TNNT3: variants seen among roughly 807,000 people sequenced by gnomAD.
TNNT3 encodes the protein troponin T, fast skeletal muscle.
TNNT3 carries 36 observed loss-of-function variants against 54.2 expected under a neutral mutation model. That is an observed-to-expected ratio of 0.66 (90% CI 0.51 to 0.88). The LOEUF (loss-of-function observed/expected upper bound fraction) is 0.88, where lower values mean the gene tolerates loss of function less well. Among genes scored for constraint, TNNT3 ranks in the 40% least tolerant of loss-of-function variants. The probability of loss-of-function intolerance (pLI) is 0.00; values close to 1 mark genes in which losing one functional copy is unlikely to be tolerated. For missense variants in TNNT3, 291 were observed against 331.6 expected, an observed-to-expected ratio of 0.88 and a Z score of 0.95; for synonymous variants, 120 against 109.7, an observed-to-expected ratio of 1.09 and a Z score of -0.59.
rs2133318207 is a variant in TNNT3 at position 1,926,678 on chromosome 11, T to A, written c.68-17T>A. ...CTCTCTCCCGCCCTTTCTGCCACCA[T>A]GACGCTGCTTCTGCAGAGGAAGTTC... On this transcript the variant is annotated splice_polypyrimidine_tract_variant and intron_variant, in intron 5 of 15. Transcript: ENST00000278317. 6.2e-7 allele frequency: 1 copy of A among 1,613,504 alleles called. No homozygotes were observed. Among genetic ancestry groups the A allele is most frequent in the South Asian group, 1.1e-5 (1 of 91,088 alleles).
At chr11:1,923,008 C>T in intron 2 of TNNT3, 40 bp from the exon 3 acceptor site, 1 of 1,613,370 alleles carries the variant, frequency 6.2e-7, no homozygotes, top group Non-Finnish European at 8.5e-7. Context: ...AGCCTCACTA[C>T]CTCTCTCTCT....
In TNNT3 at chr11:1,938,596, C is replaced by A; in HGVS notation, c.*104C>A. 3 of 1,234,232 alleles carry A rather than the reference C, an allele frequency of 2.4e-6. No individual in the cohort carries two copies. Among genetic ancestry groups the A allele is most frequent in the East Asian group, 2.5e-5 (1 of 39,768 alleles). The allele number at this position is 1,234,232 out of a possible 1,614,324, so 76.5% of individuals were successfully genotyped here. On this transcript the variant is annotated 3_prime_UTR_variant, in exon 16 of 16. Coordinates refer to ENST00000278317, the MANE Select transcript of TNNT3 (RefSeq NM_006757.4). The stretch of plus-strand genomic sequence containing the variant: ...CCAGCCCCCACAATCCTGTCAGGGG[C>A]TCCCTGACAGTCCTGGGGGTGGAGA...
intron 5 of TNNT3, chr11:1,926,405 G>A (rs570383622): frequency 6.9e-6 from 11 of 1,604,056 alleles, no homozygotes; most frequent in African/African-American, 5.3e-5. Context: ...AACCTCGGAC[G>A]CTTCTCCATT....
chr11:1,927,754 C>T (rs1403311514), intron 6 of TNNT3: 1 of 152,426 alleles, frequency 6.6e-6, no homozygotes, highest in Non-Finnish European at 1.5e-5. Context: ...CACCCGACCT[C>T]GCCCTCCTCC....
rs573740589 is a variant in TNNT3 at position 1,938,636 on chromosome 11, G to A, written c.*144G>A. The A allele has an allele frequency of 2.4e-5, 20 of 817,762 alleles. No individual in the cohort carries two copies. The highest frequency in any genetic ancestry group is 5.8e-5 in the South Asian group (4 of 69,290). 50.7% of individuals were successfully genotyped at this position (817,762 alleles called of 1,614,324 possible). A position where few individuals can be genotyped will look rare whatever the true frequency, so the allele number is the denominator to read the frequency against. On this transcript the variant is annotated 3_prime_UTR_variant, in exon 16 of 16. Coordinates refer to ENST00000278317, the MANE Select transcript of TNNT3 (RefSeq NM_006757.4). ...GGGGGTGGAGAGGCCATCCCGGGGC[G>A]TCCCCCGCGTCTGTGTCCTTGCTGC...
At chr11:1,923,181 C>A in intron 3 of TNNT3, 120 bp downstream of exon 3, 1 of 1,421,096 alleles carries the variant, frequency 7.0e-7, no homozygotes, top group East Asian at 2.3e-5. Context: ...AGCTGCATCC[C>A]ATGGGTGGCT....
At chr11:1,922,968 C>A in intron 2 of TNNT3, 77 bp downstream of exon 2, 1 of 1,613,076 alleles carries the variant, frequency 6.2e-7, no homozygotes, top group Non-Finnish European at 8.5e-7. Flanking sequence ...CTGGAGCATG[C>A]GCTATCTTGC....
rs373242801 is a variant in TNNT3 at position 1,923,044 on chromosome 11, A to T, written c.18-4A>T. The T allele has an allele frequency of 6.2e-7, 1 of 1,613,904 alleles. No homozygotes were observed. Among genetic ancestry groups the T allele is most frequent in the African/African-American group, 1.3e-5 (1 of 75,000 alleles). ...TTCTTTCTCTCTCTCTCCCTGCCCC[A>T]CAGTGAACAGGTGGAGGGTAAGTGT... On this transcript the variant is annotated splice_polypyrimidine_tract_variant and splice_region_variant and intron_variant, in intron 2 of 15. Coordinates refer to ENST00000278317, the MANE Select transcript of TNNT3 (RefSeq NM_006757.4).
rs1854202698 is a variant in TNNT3 at position 1,933,985 on chromosome 11, A to T, written c.343A>T (p.Arg115Trp). ...GCAGAGGATTCGTGCAGAGAAGGAG[A>T]GGGAGCGCCAGAACAGACTGGCGGT... ...EQQRIRAEKE[R>W]ERQNRLAEEK... The change falls in exon 11 of 16, where the codon AGG becomes TGG. Residue 115 changes from arginine to tryptophan, a missense_variant. By Grantham distance (101) the Arg-to-Trp change is moderately radical. Coordinates refer to ENST00000278317, the MANE Select transcript of TNNT3 (RefSeq NM_006757.4). The T allele has an allele frequency of 1.2e-6, 2 of 1,612,304 alleles. No homozygotes were observed. The highest frequency in any genetic ancestry group is 1.7e-6 in the Non-Finnish European group (2 of 1,179,902).
rs745754610 is a variant in TNNT3, at chr11:1,933,786, T to C, written c.237T>C (p.Phe79=). ...MELQALIDSH[F]EARKKEEEEL... ...TCCAGGCCCTCATCGACAGCCACTTTGAAGCCCGGAAGAAGGAGGAGGAGG... is the reference window on the plus strand; with the variant it reads ...TCCAGGCCCTCATCGACAGCCACTTCGAAGCCCGGAAGAAGGAGGAGGAGG... The change falls in exon 10 of 16, where the codon TTT becomes TTC. Residue 79 remains phenylalanine, a synonymous_variant. Transcript: ENST00000278317. 1.2e-6 allele frequency: 2 copies of C among 1,612,886 alleles called. No individual in the cohort carries two copies. The highest frequency in any genetic ancestry group is 2.2e-5 in the East Asian group (1 of 44,874).
At chr11:1,938,114 A>G in intron 15 of TNNT3, 1 of 394,520 alleles carries the variant, frequency 2.5e-6, no homozygotes, top group South Asian at 2.1e-5. Context: ...CCAAGCGTCT[A>G]GGATTATATC....
chr11:1,926,734 A>C, intron 6 of TNNT3, 25 bp downstream of exon 6: 1 of 1,613,126 alleles, frequency 6.2e-7, no homozygotes, highest in South Asian at 1.1e-5. Flanking sequence ...CCCCGCCTCC[A>C]GGCCAGAGTC....
chr11:1,922,820 C>CCTCT lies in TNNT3; in HGVS notation c.-18-20_-18-17dup, dbSNP rs140086507. Reference sequence around the variant, plus strand: ...AGGCAGCTCGTAACTCTCTTTCCATCCTCTCTCTCTCTCTCTCTCTGAATC... The same window carrying CCTCT: ...AGGCAGCTCGTAACTCTCTTTCCATCCTCTCTCTCTCTCTCTCTCTCTCTGAATC... On this transcript the variant is annotated intron_variant, in intron 1 of 15. Coordinates refer to ENST00000278317, the MANE Select transcript of TNNT3 (RefSeq NM_006757.4). 710 of 1,465,150 alleles carry CCTCT rather than the reference C, an allele frequency of 4.8e-4. 2 individuals are homozygous for CCTCT. In the African/African-American group the frequency reaches 7.9e-3, roughly 16 times the overall value. The allele number at this position is 1,465,150 out of a possible 1,614,324, so 90.8% of individuals were successfully genotyped here.
intron 5 of TNNT3, among the ~76,000 whole-genome samples, chr11:1,926,245 C>T (rs983340812): frequency 1.3e-5 from 2 of 152,200 alleles, no homozygotes; most frequent in East Asian, 3.9e-4. Flanking sequence ...GCCTCAGTTT[C>T]CCCACCTGGG....
Position 1,936,658 on chromosome 11 carries a change from G to A in TNNT3, c.682-305G>A, listed in dbSNP as rs559214178. Among the ~76,000 whole-genome samples the A allele has an allele frequency of 2.0e-5, 3 of 152,116 alleles. No homozygotes were observed. In the South Asian group the frequency reaches 6.2e-4, roughly 32 times the overall value. On this transcript the variant is annotated intron_variant, in intron 14 of 15. Coordinates refer to ENST00000278317, the MANE Select transcript of TNNT3 (RefSeq NM_006757.4). ...CCCTCCCCAGCCCCATCCGTGCTCC[G>A]TACCCCCCGCCCCACATCCTGCCGC... is the stretch of plus-strand genomic sequence containing the variant.
Position 1,936,884 on chromosome 11 carries a change from CG to C in TNNT3, c.682-77del. The C allele has an allele frequency of 2.8e-6, 4 of 1,443,050 alleles. No homozygotes were observed. The South Asian group carries it at 4.9e-5, about 18-fold the overall frequency. 89.4% of individuals were successfully genotyped at this position (1,443,050 alleles called of 1,614,324 possible). Reference sequence around the variant, plus strand: ...GGGTCGCGCAGCCCAGCCCACCCTGCGGTGGAGACAGGCCTTCACCCAGTAC... The same window carrying C: ...GGGTCGCGCAGCCCAGCCCACCCTGCGTGGAGACAGGCCTTCACCCAGTAC... On this transcript the variant is annotated intron_variant, in intron 14 of 15. Coordinates refer to ENST00000278317, the MANE Select transcript of TNNT3 (RefSeq NM_006757.4).
rs933773561 is a variant in TNNT3 at position 1,919,723 on chromosome 11, T to A, written c.-58T>A. 6.6e-6 allele frequency: 1 copy of A among 152,236 alleles called. No individual in the cohort carries two copies. The highest frequency in any genetic ancestry group is 1.5e-5 in the Non-Finnish European group (1 of 68,092). 9.4% of individuals were successfully genotyped at this position (152,236 alleles called of 1,614,324 possible). ...GCGCCAGTGCCTGCAGCCGGTGCTG[T>A]CCACAGGGAGCTCCAGCCCTTCTCA... On this transcript the variant is annotated 5_prime_UTR_variant, in exon 1 of 16. Coordinates refer to ENST00000278317, the MANE Select transcript of TNNT3 (RefSeq NM_006757.4).
chr11:1,929,194 C>G lies in TNNT3; in HGVS notation c.106+51C>G. On this transcript the variant is annotated intron_variant, in intron 7 of 15. Coordinates refer to ENST00000278317, the MANE Select transcript of TNNT3 (RefSeq NM_006757.4). The stretch of plus-strand genomic sequence containing the variant: ...GGTGCAGGACCCTGGCTCTAGCCGA[C>G]GCGAGGGAAAGAGGACAGGCTGGGG... 3.7e-6 allele frequency: 6 copies of G among 1,603,814 alleles called. No individual in the cohort carries two copies. The South Asian group carries it at 6.6e-5, about 18-fold the overall frequency.
intron 6 of TNNT3, 77 bp from the exon 7 acceptor site, chr11:1,929,043 C>A: frequency 6.4e-7 from 1 of 1,551,122 alleles, no homozygotes; most frequent in Non-Finnish European, 8.9e-7. Flanking sequence ...CCGCCACAGG[C>A]CCCTTGCCCA....
Sources: allele counts gnomAD v4.1 joint callset (sites outside exome capture counted in the v4.1 genomes callset), GRCh38; gene constraint gnomAD v4.1.1; transcripts MANE v1.5; gene names NCBI Gene and HGNC (gene_info 2026-07-23, HGNC 2026-07-21).